The following ALLC variants were observed in gnomAD, a reference collection of about 807,000 sequenced individuals.
ALLC encodes probable inactive allantoicase.
Under a neutral mutation model 45.0 loss-of-function variants are expected in ALLC, and 40 were observed. The observed-to-expected ratio is 0.89, with a 90% confidence interval of 0.69 to 1.16. The LOEUF (loss-of-function observed/expected upper bound fraction) is 1.16, where lower values mean the gene tolerates loss of function less well. ALLC is among the 50% of genes most tolerant of loss of function. The probability of loss-of-function intolerance (pLI) is 0.00; values close to 1 mark genes in which losing one functional copy is unlikely to be tolerated. For missense variants in ALLC, 488 were observed against 493.1 expected, an observed-to-expected ratio of 0.99 and a Z score of 0.10; for synonymous variants, 176 against 178.1, an observed-to-expected ratio of 0.99 and a Z score of 0.09.
chr2:3,649,096 G>A, the ALLC span, among the ~76,000 whole-genome samples: 1 of 152,158 alleles, frequency 6.6e-6, no homozygotes, highest in Non-Finnish European at 1.5e-5. Flanking sequence ...CACGTCATAG[G>A]TTCTTGGAAA....
chr2:3,653,109 G>A, the ALLC span, among the ~76,000 whole-genome samples: 1 of 152,182 alleles, frequency 6.6e-6, no homozygotes, highest in Non-Finnish European at 1.5e-5. This position sits in a 1 kb window ranked among gnomAD's most constrained non-coding sequence, Gnocchi z 4.1. Flanking sequence ...ATGTCTGCAG[G>A]GTGGCAGCAG....
chr2:3,655,929 T>G (rs10164415), upstream of ALLC, among the ~76,000 whole-genome samples: 5,236 of 152,284 alleles, frequency 0.034, 312 homozygotes, highest in African/African-American at 0.12. Flanking sequence ...GCTGGAGCGC[T>G]GCAAAGCCTG....
At chr2:3,689,727 C>T (rs540485908) in intron 7 of ALLC, among the ~76,000 whole-genome samples, 84 of 150,886 alleles carry the variant, frequency 5.6e-4, no homozygotes, top group African/African-American at 1.9e-3. Context: ...GCCATTAGAT[C>T]TAGTGTGTAG....
chr2:3,652,205 A>C, the ALLC span, among the ~76,000 whole-genome samples: 5 of 152,328 alleles, frequency 3.3e-5, no homozygotes, highest in African/African-American at 1.2e-4. Flanking sequence ...GGCTGCCAGC[A>C]GCAGGTGCGG....
At chr2:3,647,332 C>T in the ALLC span, among the ~76,000 whole-genome samples, 1 of 151,784 alleles carries the variant, frequency 6.6e-6, no homozygotes, top group Non-Finnish European at 1.5e-5. Flanking sequence ...CATACACACA[C>T]GATTAAAACG....
rs985523510 is a variant in ALLC, at chr2:3,686,766, C to T, written c.511+3692C>T. Among the ~76,000 whole-genome samples, 16 of 150,986 alleles carry T rather than the reference C, an allele frequency of 1.1e-4. 3 individuals are homozygous for T. In the East Asian group the frequency reaches 1.2e-3, roughly 11 times the overall value. ...TATTCACTGTTGGTGTGTATAAATG[C>T]TACTGACTTTTGTATGTTGAATTTG... On this transcript the variant is annotated intron_variant, in intron 7 of 11. Transcript: ENST00000252505.
At chr2:3,655,902 C>T (rs528377634), upstream of ALLC, among the ~76,000 whole-genome samples, 5 of 152,182 alleles carry the variant, frequency 3.3e-5, no homozygotes, top group Non-Finnish European at 4.4e-5. Flanking sequence ...AGCCCCTAAG[C>T]GCTGCCCTGT....
chr2:3,672,215 TTCTGGTTAGATAGGAGGTCCTCTGGC>T (rs1666898042), intron 2 of ALLC, among the ~76,000 whole-genome samples: 1 of 70,904 alleles, frequency 1.4e-5, no homozygotes, highest in Non-Finnish European at 2.8e-5. Flanking sequence ...GGTCCTCTGG[TTCTGGTTAGATAGGAGGTCCTCTGGC>T]TCTGGTTAGA....
upstream of ALLC, among the ~76,000 whole-genome samples, chr2:3,654,084 G>A (rs540687678): frequency 1.3e-5 from 2 of 152,230 alleles, no homozygotes; most frequent in African/African-American, 4.8e-5. Flanking sequence ...TGGGCCAGAG[G>A]ATCAGCTGCC....
intron 6 of ALLC, 132 bp downstream of exon 6, chr2:3,681,845 A>G (rs1667188957): frequency 1.5e-6 from 1 of 660,008 alleles, no homozygotes; most frequent in Admixed American, 3.1e-5. Flanking sequence ...TCATTTGCTT[A>G]CCCACTGTGG....
chr2:3,701,764 AC>A, intron 11 of ALLC, 128 bp downstream of exon 11: 1 of 1,144,540 alleles, frequency 8.7e-7, no homozygotes, highest in Non-Finnish European at 1.2e-6. Context: ...GAGGTTTAAA[AC>A]CCCTATCTGC....
chr2:3,668,337 A>C (rs1666780633), intron 1 of ALLC, among the ~76,000 whole-genome samples: 1 of 152,070 alleles, frequency 6.6e-6, no homozygotes, highest in Admixed American at 6.5e-5. Context: ...AAGGGCCCTA[A>C]GTGAGGGAGG....
intron 7 of ALLC, chr2:3,687,994 C>A: frequency 6.6e-6 from 1 of 152,502 alleles, no homozygotes; most frequent in South Asian, 1.8e-4. Context: ...GGCTCTTACT[C>A]TTTGGAGGCC....
At chr2:3,682,595 G>C (rs897561595) in intron 6 of ALLC, among the ~76,000 whole-genome samples, 1 of 152,090 alleles carries the variant, frequency 6.6e-6, no homozygotes, top group South Asian at 2.1e-4. Flanking sequence ...GCGCGATCTC[G>C]GCTCACTGCA....
chr2:3,701,667 C>T, intron 11 of ALLC, 31 bp downstream of exon 11: 1 of 1,601,188 alleles, frequency 6.2e-7, no homozygotes, highest in South Asian at 1.1e-5. Context: ...GGATCCAGCA[C>T]TCAGACTGTG....
In ALLC at chr2:3,697,400, G is replaced by T. The variant is rs35124934; in HGVS notation, c.794G>T (p.Arg265Leu). The change falls in exon 10 of 12, where the codon CGA (arginine) becomes CTA (leucine). Residue 265 changes from arginine to leucine, a missense_variant. Arg to Leu is a moderately radical substitution (Grantham distance 102). Coordinates refer to ENST00000252505, the MANE Select transcript of ALLC (RefSeq NM_018436.4). ...CCGGGTTGTGAATGGGCAGTTTTCC[G>T]ATTGGCACATCCTGGAGTAATAACT... ...LVPGCEWAVF[R>L]LAHPGVITRI... is the part of the protein sequence containing the mutation. The T allele has an allele frequency of 1.9e-6, 3 of 1,613,758 alleles. No homozygotes were observed. The highest frequency in any genetic ancestry group is 2.7e-5 in the African/African-American group (2 of 74,870).
intron 3 of ALLC, among the ~76,000 whole-genome samples, chr2:3,675,387 CA>C (rs11379495): frequency 0.028 from 3,043 of 109,556 alleles, 39 homozygotes; most frequent in African/African-American, 0.067. Flanking sequence ...AAGACCCTGT[CA>C]AAAAAAAAAA....
intron 7 of ALLC, among the ~76,000 whole-genome samples, chr2:3,689,468 G>A (rs566348052): frequency 2.0e-5 from 3 of 150,830 alleles, no homozygotes; most frequent in South Asian, 4.2e-4. Flanking sequence ...TGACCCATTT[G>A]TTGTTCAGGA....
chr2:3,657,864 G>C (rs1305024583), upstream of ALLC, among the ~76,000 whole-genome samples: 1 of 152,254 alleles, frequency 6.6e-6, no homozygotes, highest in Non-Finnish European at 1.5e-5. Flanking sequence ...CCCACTGCTG[G>C]GTGTGCTCAG....
Sources: gnomAD v4.1 joint callset for allele counts (sites outside exome capture counted in the v4.1 genomes callset) on GRCh38, gnomAD v4.1.1 for gene constraint, Gnocchi (gnomAD v3.1) non-coding constraint, MANE v1.5 for transcripts, NCBI Gene and HGNC (gene_info 2026-07-23, HGNC 2026-07-21) for gene names.